Variants in UPP2 observed in about 807,000 individuals in gnomAD.
UPP2 encodes uridine phosphorylase 2.
A neutral mutation model predicts 26.7 loss-of-function variants in UPP2; 23 were observed. The ratio of observed to expected loss-of-function variants is 0.86; its 90% CI spans 0.62 to 1.22. UPP2 has a LOEUF of 1.22. Ranked by LOEUF, UPP2 falls within the 50% of genes most tolerant of loss-of-function variation. The pLI is 0.00. For synonymous variants in UPP2, 127 were observed against 141.3 expected, an observed-to-expected ratio of 0.90 and a Z score of 0.72; for missense variants, 387 against 396.7, an observed-to-expected ratio of 0.98 and a Z score of 0.21.
rs560844744 is a variant in UPP2, at chr2:158,057,495, T to C, written c.147+41609T>C. ...TTTGTTGCTCAGATTATTCTAGCAT[T>C]GCCAGTGAAAACTCTTTGAGTTGGC... is the stretch of plus-strand genomic sequence containing the variant. On this transcript the variant is annotated intron_variant, in intron 3 of 9. Coordinates refer to the UPP2 transcript ENST00000605860. Among the ~76,000 whole-genome samples, 17 of 152,356 alleles carry C rather than the reference T, an allele frequency of 1.1e-4. No homozygotes were observed. In the East Asian group the frequency reaches 3.3e-3, roughly 29 times the overall value.
upstream of UPP2, among the ~76,000 whole-genome samples, chr2:158,098,415 G>A (rs1442186097): frequency 6.6e-6 from 1 of 152,302 alleles, no homozygotes; most frequent in East Asian, 1.9e-4. Context: ...CTGCATCCAA[G>A]ATGGTGAGGG....
intron 2 of UPP2, among the ~76,000 whole-genome samples, chr2:158,010,527 A>AT (rs1213947561): frequency 1.3e-5 from 2 of 152,192 alleles, no homozygotes; most frequent in Non-Finnish European, 2.9e-5. Context: ...AGTTACGGGC[A>AT]TAAGTGGAAT....
intron 3 of UPP2, among the ~76,000 whole-genome samples, chr2:158,057,180 G>T (rs752178285): frequency 6.6e-6 from 1 of 152,186 alleles, no homozygotes; most frequent in Non-Finnish European, 1.5e-5. Context: ...TTGGTCACCT[G>T]GCCGAGGTAG....
intron 2 of UPP2, among the ~76,000 whole-genome samples, chr2:157,997,328 C>T (rs1683337334): frequency 6.6e-6 from 1 of 151,892 alleles, no homozygotes; most frequent in Non-Finnish European, 1.5e-5. Flanking sequence ...TATAAGTTTA[C>T]CATTTTATAA....
At chr2:158,066,063 T>A in intron 3 of UPP2, 1 of 254,884 alleles carries the variant, frequency 3.9e-6, no homozygotes, top group Non-Finnish European at 7.7e-6. Context: ...CTGTTGCAGT[T>A]AATAAAACTG....
intron 3 of UPP2, among the ~76,000 whole-genome samples, chr2:158,018,512 G>T (rs1046702972): frequency 5.3e-5 from 8 of 152,142 alleles, no homozygotes; most frequent in African/African-American, 1.9e-4. Context: ...GGGGCCCAAG[G>T]GCAGGGTCGA....
At chr2:158,090,088 A>G (rs1682882697) in intron 3 of UPP2, among the ~76,000 whole-genome samples, 1 of 152,174 alleles carries the variant, frequency 6.6e-6, no homozygotes, top group Non-Finnish European at 1.5e-5. Flanking sequence ...TTTATTATAT[A>G]TTTAAAAATA....
In UPP2 at chr2:157,996,074, A is replaced by G. The variant is rs115790766; in HGVS notation, c.61+815A>G. ...TTTTTAAAAGTTCAGATCTAAATCTATTTGGTTTTCTCCTTCTAGCTGCTT... is the reference window on the plus strand; with the variant it reads ...TTTTTAAAAGTTCAGATCTAAATCTGTTTGGTTTTCTCCTTCTAGCTGCTT... On this transcript the variant is annotated intron_variant, in intron 2 of 9. Transcript: ENST00000605860. Among the ~76,000 whole-genome samples the G allele has an allele frequency of 3.2e-3, 482 of 152,286 alleles. 1 individual carries two copies. Among genetic ancestry groups the G allele is most frequent in the African/African-American group, 0.01 (431 of 41,562 alleles).
intron 3 of UPP2, among the ~76,000 whole-genome samples, chr2:158,051,688 G>T (rs1682161162): frequency 6.6e-6 from 1 of 152,074 alleles, no homozygotes. Context: ...GGCTGAGACA[G>T]GAGAATCGCT....
intron 3 of UPP2, among the ~76,000 whole-genome samples, chr2:158,094,896 A>C (rs1232850105): frequency 2.0e-5 from 3 of 152,122 alleles, no homozygotes; most frequent in African/African-American, 7.2e-5. Flanking sequence ...GTGGAGGCTG[A>C]TTTCCCAATG....
chr2:158,120,184 A>G (rs554047643), intron 4 of UPP2, among the ~76,000 whole-genome samples: 14 of 152,114 alleles, frequency 9.2e-5, no homozygotes, highest in African/African-American at 3.4e-4. Context: ...TCTATACTCT[A>G]TAGAAAGGAT....
intron 3 of UPP2, among the ~76,000 whole-genome samples, chr2:158,025,719 G>A (rs1274035825): frequency 6.6e-6 from 1 of 152,218 alleles, no homozygotes; most frequent in African/African-American, 2.4e-5. Flanking sequence ...TGGTCACTTA[G>A]TGGGCTTTGG....
At chr2:158,073,155 GCTGAAACT>G (rs980348811) in intron 3 of UPP2, among the ~76,000 whole-genome samples, 20 of 152,064 alleles carry the variant, frequency 1.3e-4, no homozygotes, top group Non-Finnish European at 4.4e-5. Flanking sequence ...AAAGAATTGA[GCTGAAACT>G]CTGGAGCTGA....
At chr2:158,067,370 CAAA>C (rs113444405) in intron 3 of UPP2, among the ~76,000 whole-genome samples, 38 of 108,792 alleles carry the variant, frequency 3.5e-4, no homozygotes, top group African/African-American at 9.5e-4. Flanking sequence ...CATTTATCAT[CAAA>C]AAAAAAAAAA....
At chr2:158,030,267 G>A (rs1215788336) in intron 3 of UPP2, among the ~76,000 whole-genome samples, 2 of 152,096 alleles carry the variant, frequency 1.3e-5, no homozygotes, top group Non-Finnish European at 2.9e-5. Flanking sequence ...TCTAAATTAA[G>A]CATTATTTTA....
intron 2 of UPP2, among the ~76,000 whole-genome samples, chr2:158,108,961 C>T (rs967788947): frequency 2.0e-5 from 3 of 150,258 alleles, no homozygotes; most frequent in African/African-American, 7.4e-5. Context: ...GGTAACCTAG[C>T]TCCAAATGTT....
At chr2:158,004,251 A>C (rs956467575) in intron 2 of UPP2, among the ~76,000 whole-genome samples, 2 of 152,164 alleles carry the variant, frequency 1.3e-5, no homozygotes, top group African/African-American at 4.8e-5. Flanking sequence ...AAAATAAAAA[A>C]CAATCATCGT....
chr2:158,031,652 T>C (rs1373873228), intron 3 of UPP2, among the ~76,000 whole-genome samples: 7 of 152,196 alleles, frequency 4.6e-5, no homozygotes, highest in Admixed American at 3.3e-4. Context: ...TTCCAGTTGG[T>C]AACACATAAA....
rs1683195524 is a variant in UPP2 at position 158,106,358 on chromosome 2, T to G, written c.180+142T>G. The G allele has an allele frequency of 8.9e-6, 6 of 674,092 alleles. No individual in the cohort carries two copies. In the South Asian group the frequency reaches 1.1e-4, roughly 13 times the overall value. The allele number at this position is 674,092 out of a possible 1,614,324, so 41.8% of individuals were successfully genotyped here. On this transcript the variant is annotated intron_variant, in intron 2 of 6. Coordinates refer to ENST00000005756, the MANE Select transcript of UPP2 (RefSeq NM_173355.4). The stretch of plus-strand genomic sequence containing the variant: ...GTCACACTCATTCTCTGAAACAATT[T>G]GGAATGTGTATATCATGAACAATCA...
Sources: allele counts gnomAD v4.1 joint callset (sites outside exome capture counted in the v4.1 genomes callset), GRCh38; gene constraint gnomAD v4.1.1; transcripts MANE v1.5; gene names NCBI Gene and HGNC (gene_info 2026-07-23, HGNC 2026-07-21).